The following CNTN5 variants were observed in gnomAD, a reference collection of about 807,000 sequenced individuals.
The protein encoded by CNTN5 is contactin-5.
Under a neutral mutation model 129.1 loss-of-function variants are expected in CNTN5, and 77 were observed. The ratio of observed to expected loss-of-function variants is 0.60; its 90% CI spans 0.50 to 0.72. The LOEUF is 0.72. Among genes scored for constraint, CNTN5 ranks in the 30% least tolerant of loss-of-function variants. The probability of loss-of-function intolerance (pLI) is 0.00; values close to 1 mark genes in which losing one functional copy is unlikely to be tolerated. For synonymous variants in CNTN5, 509 were observed against 465.6 expected (o/e 1.09, Z -1.20); for missense variants, 1,478 against 1,328.8 (o/e 1.11, Z -1.75).
chr11:99,990,447 T>TACACACACACACAC lies in CNTN5; in HGVS notation c.878-11586_878-11585insCACACACACACACA, dbSNP rs774953191. ...ATTGGCTTCCCTTATTTTTAGAATATATATATATACACACACACACACACA... is the reference window on the plus strand; with the variant it reads ...ATTGGCTTCCCTTATTTTTAGAATATACACACACACACACATATATATACACACACACACACACA... On this transcript the variant is annotated intron_variant, in intron 8 of 24. Transcript: ENST00000524871. Among the ~76,000 whole-genome samples the TACACACACACACAC allele has an allele frequency of 4.1e-3, 315 of 77,006 alleles. 3 individuals are homozygous for TACACACACACACAC. Among genetic ancestry groups the TACACACACACACAC allele is most frequent in the African/African-American group, 0.013 (291 of 22,264 alleles). 50.5% of individuals were successfully genotyped at this position (77,006 alleles called of 152,430 possible).
At chr11:100,156,985 T>TGTCTC (rs1472867445) in intron 13 of CNTN5, among the ~76,000 whole-genome samples, 1 of 152,068 alleles carries the variant, frequency 6.6e-6, no homozygotes, top group Admixed American at 6.6e-5. Context: ...TGTGTGTCTC[T>TGTCTC]GTCTCCTTCA....
At chr11:99,156,360 G>A (rs745766675) in intron 1 of CNTN5, among the ~76,000 whole-genome samples, 4 of 151,934 alleles carry the variant, frequency 2.6e-5, no homozygotes, top group Non-Finnish European at 5.9e-5. Flanking sequence ...ACAATAATTG[G>A]ATTTTTTTAT....
At chr11:100,266,408 A>G (rs1950303955) in intron 17 of CNTN5, among the ~76,000 whole-genome samples, 1 of 152,114 alleles carries the variant, frequency 6.6e-6, no homozygotes, top group Non-Finnish European at 1.5e-5. Context: ...TTATAAAAAG[A>G]TGCTGCAAGA....
chr11:99,375,605 C>CA (rs1397502684), intron 2 of CNTN5, among the ~76,000 whole-genome samples: 2 of 152,062 alleles, frequency 1.3e-5, no homozygotes, highest in East Asian at 3.9e-4. Context: ...CAGTGATTTA[C>CA]AAAATTACAA....
chr11:99,232,367 T>G (rs1861047823), intron 1 of CNTN5, among the ~76,000 whole-genome samples: 1 of 152,134 alleles, frequency 6.6e-6, no homozygotes, highest in Admixed American at 6.6e-5. Context: ...GTCCTATCAC[T>G]TCCTTTATTA....
At chr11:99,571,291 A>G (rs1010868487) in intron 3 of CNTN5, among the ~76,000 whole-genome samples, 1 of 152,162 alleles carries the variant, frequency 6.6e-6, no homozygotes, top group Non-Finnish European at 1.5e-5. Context: ...ACTGGTATGA[A>G]TCTACCAAAT....
rs191506448 is a variant in CNTN5 at position 99,578,973 on chromosome 11, G to A, written c.55+22704G>A. On this transcript the variant is annotated intron_variant, in intron 3 of 24. Coordinates refer to ENST00000524871, the MANE Select transcript of CNTN5 (RefSeq NM_014361.4). ...TTTTTATGGTTTTAGGTCTAACCATGTAAGTCTTTAATCCATCTTGAGTTA... is the reference window on the plus strand; with the variant it reads ...TTTTTATGGTTTTAGGTCTAACCATATAAGTCTTTAATCCATCTTGAGTTA... 7.1e-4 allele frequency among the ~76,000 whole-genome samples: 108 copies of A among 152,172 alleles called. No homozygotes were observed. The East Asian group carries it at 0.018, about 26-fold the overall frequency.
chr11:99,733,879 G>C (rs1943615073), intron 3 of CNTN5, among the ~76,000 whole-genome samples: 1 of 152,192 alleles, frequency 6.6e-6, no homozygotes, highest in African/African-American at 2.4e-5. Flanking sequence ...TTATGAACTG[G>C]CAGGTCCAGT....
intron 21 of CNTN5, among the ~76,000 whole-genome samples, chr11:100,327,792 A>G (rs970998837): frequency 1.3e-5 from 2 of 152,190 alleles, no homozygotes; most frequent in Non-Finnish European, 2.9e-5. Flanking sequence ...AAAATATCAA[A>G]TTTCAATATG....
intron 1 of CNTN5, among the ~76,000 whole-genome samples, chr11:99,250,368 A>G (rs1862035538): frequency 6.6e-6 from 1 of 151,980 alleles, no homozygotes; most frequent in South Asian, 2.1e-4. Context: ...TCTAATGCCC[A>G]ATGTAATACC....
intron 2 of CNTN5, among the ~76,000 whole-genome samples, chr11:99,338,921 T>TATATATATATATATATATATATATCTGTG (rs1565502339): frequency 4.9e-4 from 9 of 18,290 alleles, no homozygotes; most frequent in African/African-American, 2.1e-3. Context: ...CATTCACAGA[T>TATATATATATATATATATATATATCTGTG]ATATATATAT....
At chr11:99,565,253 T>A (rs1366236977) in intron 3 of CNTN5, among the ~76,000 whole-genome samples, 1 of 152,092 alleles carries the variant, frequency 6.6e-6, no homozygotes, top group Admixed American at 6.6e-5. Context: ...GCACTTTCTG[T>A]GGAAGTGCCC....
At chr11:99,690,843 C>CT (rs960373390) in intron 3 of CNTN5, among the ~76,000 whole-genome samples, 28 of 151,860 alleles carry the variant, frequency 1.8e-4, no homozygotes, top group African/African-American at 6.5e-4. Context: ...GATAACAACT[C>CT]TTTTTTGTAC....
At chr11:100,058,375 G>T (rs767712243) in intron 9 of CNTN5, among the ~76,000 whole-genome samples, 11 of 151,532 alleles carry the variant, frequency 7.3e-5, no homozygotes, top group Non-Finnish European at 1.6e-4. Flanking sequence ...TTACCAAGCA[G>T]TCACTCACCA....
chr11:100,181,908 C>A lies in CNTN5; in HGVS notation c.1581-9218C>A, dbSNP rs1046711854. Reference sequence around the variant, plus strand: ...TCTTCTTCATGAGTTATATGACTCACTGAAGTTCCAATCAAAATCTCAGCA... The same window carrying A: ...TCTTCTTCATGAGTTATATGACTCAATGAAGTTCCAATCAAAATCTCAGCA... On this transcript the variant is annotated intron_variant, in intron 13 of 24. Transcript: ENST00000524871. Among the ~76,000 whole-genome samples, 7 of 151,968 alleles carry A rather than the reference C, an allele frequency of 4.6e-5. No homozygotes were observed. The East Asian group carries it at 1.4e-3, about 29-fold the overall frequency.
At chr11:99,047,819 A>G (rs1289183358) in intron 1 of CNTN5, among the ~76,000 whole-genome samples, 1 of 152,048 alleles carries the variant, frequency 6.6e-6, no homozygotes, top group East Asian at 1.9e-4. Context: ...ATATGGCAGC[A>G]TTTACATATA....
chr11:99,480,929 G>T (rs192621585), intron 2 of CNTN5, among the ~76,000 whole-genome samples: 1 of 152,084 alleles, frequency 6.6e-6, no homozygotes, highest in Non-Finnish European at 1.5e-5. Context: ...AGAATTCATT[G>T]GGGATATTGT....
intron 6 of CNTN5, among the ~76,000 whole-genome samples, chr11:99,914,867 T>A (rs1046455295): frequency 2.0e-5 from 3 of 152,066 alleles, no homozygotes; most frequent in African/African-American, 7.2e-5. Context: ...CTCAAAAATA[T>A]AATGTATAGA....
intron 13 of CNTN5, among the ~76,000 whole-genome samples, chr11:100,172,332 T>A (rs1037765440): frequency 6.6e-6 from 1 of 152,004 alleles, no homozygotes; most frequent in Admixed American, 6.6e-5. Flanking sequence ...AATACCCTGA[T>A]GAGGAAATGG....
Sources: allele counts gnomAD v4.1 joint callset (sites outside exome capture counted in the v4.1 genomes callset), GRCh38; gene constraint gnomAD v4.1.1; transcripts MANE v1.5; gene names NCBI Gene and HGNC (gene_info 2026-07-23, HGNC 2026-07-21).